The following NFATC2 variants were observed in gnomAD, a reference collection of about 807,000 sequenced individuals.
The protein encoded by NFATC2 is nuclear factor of activated T-cells, cytoplasmic 2.
Under a neutral mutation model 87.3 loss-of-function variants are expected in NFATC2, and 22 were observed. The ratio of observed to expected loss-of-function variants is 0.25; its 90% CI spans 0.18 to 0.36. The LOEUF is 0.36. Among genes scored for constraint, NFATC2 ranks in the 10% least tolerant of loss-of-function variants. NFATC2 has a pLI of 1.00. For missense variants in NFATC2, 1,149 were observed against 1,259.1 expected, an observed-to-expected ratio of 0.91 and a Z score of 1.32; for synonymous variants, 565 against 542.2, an observed-to-expected ratio of 1.04 and a Z score of -0.58.
chr20:51,389,719 TC>T lies in NFATC2; in HGVS notation c.*1776del, dbSNP rs914440996. ...AGGCCCGAATCTGAGCATTTTGCCT[TC>T]TATCTGGAGTGCCAAACACACCTGG... On this transcript the variant is annotated 3_prime_UTR_variant, in exon 11 of 11. Coordinates refer to ENST00000371564, the MANE Select transcript of NFATC2 (RefSeq NM_012340.5). 7 of 152,110 alleles carry T rather than the reference TC, an allele frequency of 4.6e-5. No homozygotes were observed. Among genetic ancestry groups the T allele is most frequent in the African/African-American group, 1.7e-4 (7 of 41,410 alleles). The allele number at this position is 152,110 out of a possible 1,614,324, so 9.4% of individuals were successfully genotyped here.
At chr20:51,448,889 T>C (rs1458538219) in intron 6 of NFATC2, among the ~76,000 whole-genome samples, 1 of 152,188 alleles carries the variant, frequency 6.6e-6, no homozygotes, top group African/African-American at 2.4e-5. Flanking sequence ...ATAATCATTA[T>C]TATTATTGCT....
chr20:51,412,864 CCAAAA>C, intron 9 of NFATC2, among the ~76,000 whole-genome samples: 1 of 152,158 alleles, frequency 6.6e-6, no homozygotes, highest in South Asian at 2.1e-4. Context: ...ACTTCTGTGT[CCAAAA>C]CAAGCTGGTG....
chr20:51,398,583 A>C (rs201133979), intron 10 of NFATC2, 60 bp downstream of exon 10: 9 of 1,081,950 alleles, frequency 8.3e-6, no homozygotes, highest in Admixed American at 2.7e-5. Flanking sequence ...AAAAAAAAAA[A>C]TTCAAGTTAA....
chr20:51,424,232 C>T (rs1981415041), intron 9 of NFATC2, among the ~76,000 whole-genome samples: 1 of 152,150 alleles, frequency 6.6e-6, no homozygotes, highest in Non-Finnish European at 1.5e-5. Context: ...TTGACATTTT[C>T]AAGACTCAAA....
At chr20:51,549,933 T>G (rs146083479) in intron 1 of NFATC2, among the ~76,000 whole-genome samples, 197 of 152,350 alleles carry the variant, frequency 1.3e-3, no homozygotes, top group African/African-American at 4.6e-3. Context: ...TGCATTTTCA[T>G]TTCGCACAAT....
chr20:51,428,710 C>T (rs938418534), intron 9 of NFATC2, among the ~76,000 whole-genome samples: 2 of 152,144 alleles, frequency 1.3e-5, no homozygotes. Flanking sequence ...TGCACTTGTG[C>T]GGGGGAGGGA....
In NFATC2 at chr20:51,480,711, G is replaced by A. The variant is rs188149005; in HGVS notation, c.1333-5051C>T. On this transcript the variant is annotated intron_variant, in intron 3 of 10. Coordinates refer to ENST00000371564, the MANE Select transcript of NFATC2 (RefSeq NM_012340.5). This position sits in a 1 kb window ranked among gnomAD's most constrained non-coding sequence, Gnocchi z 4.2. Reference sequence around the variant, plus strand: ...CCACCCCTGAGTTTCCATATGCTCAGATAAAAAGGAGACATCACCCCCCAC... The same window carrying A: ...CCACCCCTGAGTTTCCATATGCTCAAATAAAAAGGAGACATCACCCCCCAC... 2.6e-5 allele frequency among the ~76,000 whole-genome samples: 4 copies of A among 152,290 alleles called. No individual in the cohort carries two copies. The highest frequency in any genetic ancestry group is 2.6e-4 in the Admixed American group (4 of 15,292).
intron 10 of NFATC2, among the ~76,000 whole-genome samples, chr20:51,397,297 G>A (rs1987308521): frequency 6.6e-6 from 1 of 152,174 alleles, no homozygotes; most frequent in Non-Finnish European, 1.5e-5. Context: ...CTTCTCCAGG[G>A]AAACCTGGCC....
intron 3 of NFATC2, among the ~76,000 whole-genome samples, chr20:51,509,331 T>G (rs1038370859): frequency 6.6e-6 from 1 of 152,204 alleles, no homozygotes; most frequent in Non-Finnish European, 1.5e-5. Flanking sequence ...AGCCAGCACA[T>G]CAGCTCCACA....
upstream of NFATC2, chr20:51,542,742 G>C (rs1446744583): frequency 2.5e-6 from 2 of 811,190 alleles, no homozygotes; most frequent in East Asian, 1.3e-4. Context: ...GTTGCAGCCC[G>C]GGGAGGCGGG....
intron 3 of NFATC2, among the ~76,000 whole-genome samples, chr20:51,489,528 C>G (rs2075846526): frequency 6.6e-6 from 1 of 152,224 alleles, no homozygotes; most frequent in Admixed American, 6.5e-5. Context: ...ATCAGCCCAT[C>G]AGCATCACAT....
At chr20:51,392,022 A>G (rs1388309254) in intron 10 of NFATC2, among the ~76,000 whole-genome samples, 1 of 152,262 alleles carries the variant, frequency 6.6e-6, no homozygotes, top group Non-Finnish European at 1.5e-5. Context: ...GATTTGAGCC[A>G]TAGGGCATGT....
chr20:51,404,785 C>T (rs533124089), intron 9 of NFATC2, among the ~76,000 whole-genome samples: 37 of 152,310 alleles, frequency 2.4e-4, no homozygotes, highest in Admixed American at 7.8e-4. Context: ...GGCCTCACTG[C>T]GCCCTAGTGT....
At chr20:51,441,659 G>A (rs1984356904) in intron 6 of NFATC2, among the ~76,000 whole-genome samples, 1 of 147,054 alleles carries the variant, frequency 6.8e-6, no homozygotes, top group Non-Finnish European at 1.5e-5. Flanking sequence ...GGAGGTTGCA[G>A]TGAGCCGAGA....
chr20:51,514,261 A>C (rs771848869), intron 3 of NFATC2, among the ~76,000 whole-genome samples: 8 of 152,258 alleles, frequency 5.3e-5, no homozygotes, highest in Non-Finnish European at 1.0e-4. Flanking sequence ...CATCTTTTGA[A>C]TAATCAGTGA....
intron 3 of NFATC2, among the ~76,000 whole-genome samples, chr20:51,514,050 C>T (rs774526839): frequency 2.0e-5 from 3 of 152,234 alleles, no homozygotes; most frequent in Admixed American, 6.5e-5. Flanking sequence ...CATCATAAGG[C>T]TCTTTTGAGG....
chr20:51,532,990 G>A (rs947002078), intron 1 of NFATC2, among the ~76,000 whole-genome samples: 12 of 152,202 alleles, frequency 7.9e-5, no homozygotes, highest in Non-Finnish European at 1.8e-4. Context: ...TCCGACCCAC[G>A]GCTTGATGAG....
chr20:51,533,212 A>G (rs2076664826), intron 1 of NFATC2, among the ~76,000 whole-genome samples: 1 of 152,220 alleles, frequency 6.6e-6, no homozygotes, highest in African/African-American at 2.4e-5. Context: ...AAGAATCCCA[A>G]AACAGAGCAG....
At chr20:51,431,088 A>G (rs1042595039) in intron 9 of NFATC2, among the ~76,000 whole-genome samples, 2 of 152,184 alleles carry the variant, frequency 1.3e-5, no homozygotes, top group African/African-American at 4.8e-5. Flanking sequence ...CCCATTCTCT[A>G]TATGTGCTTA....
Sources: gnomAD v4.1 joint callset for allele counts (sites outside exome capture counted in the v4.1 genomes callset) on GRCh38, gnomAD v4.1.1 for gene constraint, Gnocchi (gnomAD v3.1) non-coding constraint, MANE v1.5 for transcripts, NCBI Gene and HGNC (gene_info 2026-07-23, HGNC 2026-07-21) for gene names.